The following ADGRV1 variants were observed in gnomAD, a reference collection of about 807,000 sequenced individuals.
The protein encoded by ADGRV1 is G-protein coupled receptor 98.
A neutral mutation model predicts 596.2 loss-of-function variants in ADGRV1; 359 were observed. The observed-to-expected ratio is 0.60, with a 90% CI of 0.55 to 0.66. The LOEUF (loss-of-function observed/expected upper bound fraction) is 0.66. ADGRV1 is among the 30% of genes least tolerant of loss of function. The pLI, the probability that ADGRV1 is intolerant of heterozygous loss-of-function variation, is 0.00. For synonymous variants in ADGRV1, 2,681 were observed against 2,679.2 expected (o/e 1.00, Z -0.02); for missense variants, 7,274 against 7,575.6 (o/e 0.96, Z 1.48).
Position 90,692,659 on chromosome 5 carries a change from C to T in ADGRV1, c.7006C>T (p.Arg2336Ter), listed in dbSNP as rs527236133. The T allele has an allele frequency of 3.1e-6, 5 of 1,611,140 alleles. No homozygotes were observed. The highest frequency in any genetic ancestry group is 1.1e-5 in the South Asian group (1 of 90,486). The change falls in exon 32 of 90, where the codon CGA becomes TGA. Residue 2336 changes from arginine to a stop codon, truncating the protein, a stop_gained. Coordinates refer to ENST00000405460, the MANE Select transcript of ADGRV1 (RefSeq NM_032119.4). LOFTEE classifies it high-confidence loss of function. ...ASGGGTIGLD[R>*]IANIIIPAND... The stretch of plus-strand genomic sequence containing the variant: ...TGGTGGAGGTACTATTGGGTTAGAT[C>T]GAATTGCAAATATTATTATTCCTGC...
At chr5:90,640,511 C>T (rs1251647501) in intron 11 of ADGRV1, among the ~76,000 whole-genome samples, 2 of 152,046 alleles carry the variant, frequency 1.3e-5, no homozygotes, top group African/African-American at 4.8e-5. Flanking sequence ...GTTTGTGAGC[C>T]TGTACAGTGC....
intron 85 of ADGRV1, among the ~76,000 whole-genome samples, chr5:91,021,605 C>T (rs938570875): frequency 6.6e-6 from 1 of 152,062 alleles, no homozygotes; most frequent in Non-Finnish European, 1.5e-5. Flanking sequence ...ATAGTCCTGT[C>T]CCATCTCATC....
chr5:91,141,763 C>A (rs1795119456), intron 87 of ADGRV1, among the ~76,000 whole-genome samples: 1 of 152,156 alleles, frequency 6.6e-6, no homozygotes, highest in Admixed American at 6.5e-5. Context: ...AGGTCAGCAG[C>A]CCAAGAGCTG....
At chr5:90,613,372 C>A (rs573604608) in intron 1 of ADGRV1, among the ~76,000 whole-genome samples, 2 of 152,044 alleles carry the variant, frequency 1.3e-5, no homozygotes, top group African/African-American at 4.8e-5. Context: ...CATAAAAGAC[C>A]TTCACCTGGC....
At chr5:90,668,358 G>T (rs968084198) in intron 21 of ADGRV1, among the ~76,000 whole-genome samples, 2 of 148,412 alleles carry the variant, frequency 1.3e-5, no homozygotes, top group Non-Finnish European at 3.0e-5. Flanking sequence ...ATTCTGGTGG[G>T]AGTGACCCGA....
chr5:90,827,926 A>G (rs1764199553), intron 76 of ADGRV1, among the ~76,000 whole-genome samples: 1 of 152,198 alleles, frequency 6.6e-6, no homozygotes. Context: ...CATAATGGTC[A>G]TTGCTGGTAG....
intron 14 of ADGRV1, among the ~76,000 whole-genome samples, chr5:90,644,290 G>A (rs906821146): frequency 1.3e-5 from 2 of 152,210 alleles, no homozygotes; most frequent in Non-Finnish European, 2.9e-5. Flanking sequence ...TACTGCTACG[G>A]AACTGTTGAG....
intron 50 of ADGRV1, among the ~76,000 whole-genome samples, chr5:90,737,958 CTT>C: frequency 6.6e-6 from 1 of 151,814 alleles, no homozygotes; most frequent in East Asian, 1.9e-4. Context: ...TGCTACTGCC[CTT>C]TCATTATTTG....
At chr5:90,930,930 C>A (rs1194975404) in intron 83 of ADGRV1, among the ~76,000 whole-genome samples, 1 of 152,064 alleles carries the variant, frequency 6.6e-6, no homozygotes, top group African/African-American at 2.4e-5. Context: ...AGAAACCTAA[C>A]CAGAATATTT....
chr5:91,133,883 C>T (rs1794416620), intron 87 of ADGRV1, among the ~76,000 whole-genome samples: 1 of 152,122 alleles, frequency 6.6e-6, no homozygotes, highest in Non-Finnish European at 1.5e-5. Context: ...AATAACTGTG[C>T]TTTTAGTACC....
intron 87 of ADGRV1, among the ~76,000 whole-genome samples, chr5:91,149,425 A>T (rs927484455): frequency 1.3e-5 from 2 of 152,128 alleles, no homozygotes; most frequent in African/African-American, 4.8e-5. Context: ...CCTTGCACTC[A>T]TTGTTTCTCC....
In ADGRV1 at chr5:90,965,427, G is replaced by C. The variant is rs765800403; in HGVS notation, c.17869G>C (p.Ala5957Pro). 6.2e-7 allele frequency: 1 copy of C among 1,608,092 alleles called. No homozygotes were observed. The highest frequency in any genetic ancestry group is 8.5e-7 in the Non-Finnish European group (1 of 1,174,824). The change falls in exon 84 of 90, where the codon GCG becomes CCG. Residue 5957 changes from alanine to proline, a missense_variant. By Grantham distance (27) the Ala-to-Pro change is conservative. This residue lies in a region of ADGRV1 where 1,874 missense variants were observed against 1,970.2 expected (regional missense o/e 0.95). Coordinates refer to ENST00000405460, the MANE Select transcript of ADGRV1 (RefSeq NM_032119.4). The part of the protein sequence containing the change: ...ASLGTQILFL[A>P]SAYASPQLAE... Reference sequence around the variant, plus strand: ...CTGTTTCTTACAGATTCTGTTTCTGGCGTCTGCATACGCAAGTCCCCAACT... The same window carrying C: ...CTGTTTCTTACAGATTCTGTTTCTGCCGTCTGCATACGCAAGTCCCCAACT...
intron 1 of ADGRV1, among the ~76,000 whole-genome samples, chr5:90,613,964 G>C (rs1244278042): frequency 1.3e-5 from 2 of 152,006 alleles, no homozygotes; most frequent in Non-Finnish European, 2.9e-5. Context: ...TCGTGTGAAT[G>C]ATCACATAGA....
chr5:90,579,647 G>T (rs1246121045), intron 1 of ADGRV1, among the ~76,000 whole-genome samples: 1 of 152,100 alleles, frequency 6.6e-6, no homozygotes, highest in African/African-American at 2.4e-5. Context: ...CTGAGTTCAT[G>T]TCCTGGATAT....
At chr5:91,030,842 AAGATACCCCCTAAT>A (rs1784422709) in intron 85 of ADGRV1, 4 of 411,318 alleles carry the variant, frequency 9.7e-6, no homozygotes, top group African/African-American at 8.3e-5. Flanking sequence ...TATTCAGATA[AAGATACCCCCTAAT>A]TACATGTTTT....
At chr5:90,732,344 G>C (rs1405681784) in intron 50 of ADGRV1, among the ~76,000 whole-genome samples, 6 of 152,150 alleles carry the variant, frequency 3.9e-5, no homozygotes, top group African/African-American at 1.4e-4. Flanking sequence ...AGGCTTGATT[G>C]ACAAACATTG....
Position 90,777,969 on chromosome 5 carries a change from G to T in ADGRV1, c.12592G>T (p.Val4198Leu), listed in dbSNP as rs2460169. 1.2e-6 allele frequency: 2 copies of T among 1,610,536 alleles called. No individual in the cohort carries two copies. Among genetic ancestry groups the T allele is most frequent in the South Asian group, 2.2e-5 (2 of 90,324 alleles). Reference protein sequence around the residue: ...TVFWRIFPPSVGEFAETSGKL... With the variant: ...TVFWRIFPPSLGEFAETSGKL... ...GTTCTGGAGGATATTCCCTCCTTCC[G>T]TGGGGGAATTTGCTGAAACATCAGG... Residue 4198 changes from valine (V) to leucine (L), a missense_variant, in exon 62 of 90, where the codon GTG becomes TTG. Physicochemically the swap from Val to Leu is conservative, Grantham distance 32. Coordinates refer to ENST00000405460, the MANE Select transcript of ADGRV1 (RefSeq NM_032119.4).
chr5:91,087,955 CATT>C (rs1192607166), intron 86 of ADGRV1, among the ~76,000 whole-genome samples: 1 of 152,110 alleles, frequency 6.6e-6, no homozygotes, highest in East Asian at 1.9e-4. Context: ...CATTTTTTAA[CATT>C]TAATTGGCTG....
intron 67 of ADGRV1, among the ~76,000 whole-genome samples, chr5:90,786,072 T>TA (rs1371018980): frequency 4.6e-5 from 7 of 152,156 alleles, no homozygotes; most frequent in South Asian, 4.2e-4. Flanking sequence ...TATGCAGCCA[T>TA]AAAAAGGATG....
Sources: allele counts gnomAD v4.1 joint callset (sites outside exome capture counted in the v4.1 genomes callset), GRCh38; gene constraint gnomAD v4.1.1; regional missense constraint gnomAD v4.1.1; transcripts MANE v1.5; gene names NCBI Gene and HGNC (gene_info 2026-07-23, HGNC 2026-07-21).